The following RP1 variants were observed in gnomAD, a reference collection of about 807,000 sequenced individuals.
RP1 encodes RP1 axonemal microtubule associated.
Under a neutral mutation model 14.8 loss-of-function variants are expected in RP1, and 16 were observed. That is an observed-to-expected ratio of 1.08 (90% CI 0.73 to 1.65). RP1 has a LOEUF of 1.65. RP1 is among the 40% of genes most tolerant of loss of function. The pLI, the probability that RP1 is intolerant of heterozygous loss-of-function variation, is 0.00. For missense variants in RP1, 2,631 were observed against 2,535.0 expected, an observed-to-expected ratio of 1.04 and a Z score of -0.81; for synonymous variants, 876 against 883.6, an observed-to-expected ratio of 0.99 and a Z score of 0.15.
chr8:54,695,169 A>G (rs1242940374), intron 12 of RP1, among the ~76,000 whole-genome samples: 1 of 152,050 alleles, frequency 6.6e-6, no homozygotes, highest in Non-Finnish European at 1.5e-5. Context: ...GTTTGATTGC[A>G]CTGTGGTCTG....
At chr8:54,857,059 T>C in exon 27 of RP1, 1 of 1,216,962 alleles carries the variant, frequency 8.2e-7, no homozygotes, top group Non-Finnish European at 1.0e-6. Context: ...GCTGTATCTC[T>C]CGGAAAATTG....
intron 14 of RP1, among the ~76,000 whole-genome samples, chr8:54,703,182 T>G (rs1440611093): frequency 6.6e-6 from 1 of 152,214 alleles, no homozygotes; most frequent in Non-Finnish European, 1.5e-5. Context: ...GTATTCAGTG[T>G]ACTTTGCCCA....
intron 1 of RP1, among the ~76,000 whole-genome samples, chr8:54,578,560 A>T (rs956628716): frequency 5.9e-5 from 9 of 152,172 alleles, no homozygotes; most frequent in Non-Finnish European, 1.3e-4. Context: ...TTCCAAAAGC[A>T]GTTCTACATC....
chr8:54,840,700 C>T (rs1811771621), intron 25 of RP1, among the ~76,000 whole-genome samples: 1 of 149,262 alleles, frequency 6.7e-6, no homozygotes, highest in Non-Finnish European at 1.5e-5. Context: ...GTCCATTTAA[C>T]TTGAGCAGCA....
At chr8:54,687,511 C>CCA (rs1807595353) in intron 12 of RP1, among the ~76,000 whole-genome samples, 1 of 151,988 alleles carries the variant, frequency 6.6e-6, no homozygotes, top group Non-Finnish European at 1.5e-5. Context: ...CTCCCTATGT[C>CCA]CATGTGTTCT....
At chr8:54,566,445 G>A (rs1013798755) in intron 1 of RP1, among the ~76,000 whole-genome samples, 1 of 152,132 alleles carries the variant, frequency 6.6e-6, no homozygotes, top group Non-Finnish European at 1.5e-5. Context: ...GGCAGCTCAC[G>A]TTTTTGGGGC....
chr8:54,674,022 T>A, intron 8 of RP1: 1 of 972,908 alleles, frequency 1.0e-6, no homozygotes, highest in Non-Finnish European at 1.5e-6. Context: ...GGAAAATTGG[T>A]AGAAAATGGA....
chr8:54,580,445 T>G (rs1269524675), intron 1 of RP1, among the ~76,000 whole-genome samples: 3 of 149,516 alleles, frequency 2.0e-5, no homozygotes, highest in African/African-American at 7.4e-5. Flanking sequence ...TAGCTGGGAC[T>G]ACAGGCGTGC....
chr8:54,734,975 T>C (rs1221383693), intron 18 of RP1, among the ~76,000 whole-genome samples: 1 of 152,164 alleles, frequency 6.6e-6, no homozygotes, highest in Admixed American at 6.6e-5. Context: ...TTAAAGACAG[T>C]TTATTTTAGG....
In RP1 at chr8:54,628,374, G is replaced by GT; in HGVS notation, c.4493dup (p.Glu1499ArgfsTer3). ...CACTGAAGAATTAATCCAAGAAGAGGTAGAGGCTAGTAAAACTTTAGAATT... is the reference window on the plus strand; with the variant it reads ...CACTGAAGAATTAATCCAAGAAGAGGTTAGAGGCTAGTAAAACTTTAGAATT... On this transcript the variant is annotated frameshift_variant, in exon 4 of 4. Coordinates refer to ENST00000220676, the MANE Select transcript of RP1 (RefSeq NM_006269.2). LOFTEE classifies it low-confidence loss of function (END_TRUNC). 6.2e-7 allele frequency: 1 copy of GT among 1,613,614 alleles called. No homozygotes were observed.
intron 12 of RP1, among the ~76,000 whole-genome samples, chr8:54,698,560 A>G (rs1365829829): frequency 6.6e-6 from 1 of 152,216 alleles, no homozygotes; most frequent in East Asian, 1.9e-4. Context: ...AGGATTATAA[A>G]TCATTCTGCT....
rs1047166838 is a variant in RP1, at chr8:54,764,646, C to T, written c.3249-5095C>T. On this transcript the variant is annotated intron_variant, in intron 22 of 22. Transcript: ENST00000636932. The stretch of plus-strand genomic sequence containing the variant: ...TTATATTTTTACTTTCAGCTCCTAT[C>T]GTTTCTGAAATAGAAGGGAACTAGG... 4.6e-5 allele frequency among the ~76,000 whole-genome samples: 7 copies of T among 152,118 alleles called. No homozygotes were observed. In the East Asian group the frequency reaches 7.7e-4, roughly 17 times the overall value.
At chr8:54,841,669 G>A (rs944725889) in intron 25 of RP1, among the ~76,000 whole-genome samples, 2 of 152,156 alleles carry the variant, frequency 1.3e-5, no homozygotes, top group African/African-American at 4.8e-5. Context: ...CACCATCCGC[G>A]GTGTTGGTTG....
chr8:54,747,967 T>C (rs1809268865), intron 19 of RP1, among the ~76,000 whole-genome samples: 1 of 152,284 alleles, frequency 6.6e-6, no homozygotes, highest in Non-Finnish European at 1.5e-5. Context: ...ACATGTTTGC[T>C]ATACATTCTG....
At chr8:54,811,270 C>T (rs1034604025) in intron 24 of RP1, among the ~76,000 whole-genome samples, 2 of 152,294 alleles carry the variant, frequency 1.3e-5, no homozygotes, top group East Asian at 1.9e-4. Flanking sequence ...TGCACTTCAC[C>T]AGCATCCTTA....
intron 24 of RP1, among the ~76,000 whole-genome samples, chr8:54,826,704 C>T (rs1318122957): frequency 6.6e-6 from 1 of 152,158 alleles, no homozygotes; most frequent in Non-Finnish European, 1.5e-5. Context: ...TCAATCCAAA[C>T]CCTACAAAAT....
intron 19 of RP1, among the ~76,000 whole-genome samples, chr8:54,749,763 C>A (rs555967564): frequency 6.6e-6 from 1 of 151,922 alleles, no homozygotes; most frequent in Non-Finnish European, 1.5e-5. Context: ...TCTAGGGACC[C>A]AGGAGACTAG....
chr8:54,681,482 TTGTGTGTGTGTGTGTGTGTGTGTGTG>T (rs3049538), intron 12 of RP1, among the ~76,000 whole-genome samples: 1 of 141,666 alleles, frequency 7.1e-6, no homozygotes, highest in Non-Finnish European at 1.5e-5. Flanking sequence ...ATTTTTTGAT[TTGTGTGTGTGTGTGTGTGTGTGTGTG>T]TGTGTGTGTG....
intron 14 of RP1, among the ~76,000 whole-genome samples, chr8:54,705,108 G>A (rs1808118714): frequency 1.3e-5 from 2 of 151,914 alleles, no homozygotes; most frequent in Non-Finnish European, 2.9e-5. Flanking sequence ...AAAGTTAGGG[G>A]GAACAGTCTA....
Sources: gnomAD v4.1 joint callset for allele counts (sites outside exome capture counted in the v4.1 genomes callset) on GRCh38, gnomAD v4.1.1 for gene constraint, MANE v1.5 for transcripts, NCBI Gene and HGNC (gene_info 2026-07-23, HGNC 2026-07-21) for gene names.